The following DPYSL2 variants were observed in gnomAD, a reference collection of about 807,000 sequenced individuals.
The protein encoded by DPYSL2 is dihydropyrimidinase-related protein 2.
In DPYSL2, 13 loss-of-function variants were observed where a neutral mutation model predicts 69.9. The ratio of observed to expected loss-of-function variants is 0.19; its 90% confidence interval spans 0.12 to 0.30. DPYSL2 has a LOEUF of 0.30. Ranked by LOEUF, DPYSL2 falls within the 10% of genes least tolerant of loss-of-function variation. The probability of loss-of-function intolerance (pLI) is 1.00; values close to 1 mark genes in which losing one functional copy is unlikely to be tolerated. For synonymous variants in DPYSL2, 326 were observed against 359.1 expected, an observed-to-expected ratio of 0.91 and a Z score of 1.04; for missense variants, 587 against 918.9, an observed-to-expected ratio of 0.64 and a Z score of 4.67.
intron 1 of DPYSL2, among the ~76,000 whole-genome samples, chr8:26,526,770 G>A (rs955910841): frequency 6.6e-6 from 1 of 152,236 alleles, no homozygotes; most frequent in Non-Finnish European, 1.5e-5. Context: ...TTGGGTTTGT[G>A]CCTTGTTGCA....
chr8:26,655,792 T>G lies in DPYSL2; in HGVS notation c.*86T>G. 1.6e-6 allele frequency: 2 copies of G among 1,274,398 alleles called. No individual in the cohort carries two copies. The highest frequency in any genetic ancestry group is 3.5e-5 in the South Asian group (2 of 57,520). The allele number at this position is 1,274,398 out of a possible 1,614,324, so 78.9% of individuals were successfully genotyped here. ...ACTTCTTTCTTCCTTCCTTTTTTTTTTTTTGTTTTTTTTTTTAAGAGCCTG... is the reference window on the plus strand; with the variant it reads ...ACTTCTTTCTTCCTTCCTTTTTTTTGTTTTGTTTTTTTTTTTAAGAGCCTG... On this transcript the variant is annotated 3_prime_UTR_variant, in exon 14 of 14. Coordinates refer to ENST00000521913, the MANE Select transcript of DPYSL2 (RefSeq NM_001197293.3).
intron 3 of DPYSL2, among the ~76,000 whole-genome samples, chr8:26,615,206 G>A (rs994129049): frequency 5.3e-5 from 8 of 152,212 alleles, no homozygotes; most frequent in Admixed American, 1.3e-4. Context: ...TCAGGGGGCC[G>A]TTGCGAGGAT....
chr8:26,579,924 CTTTTTTTTTTT>C (rs67626321), intron 1 of DPYSL2, among the ~76,000 whole-genome samples: 2 of 115,628 alleles, frequency 1.7e-5, no homozygotes, highest in Non-Finnish European at 3.4e-5. Flanking sequence ...ATCAACAAGA[CTTTTTTTTTTT>C]TTTTTTTTTT....
chr8:26,583,667 A>T, intron 2 of DPYSL2, 132 bp from the exon 3 acceptor site: 1 of 808,080 alleles, frequency 1.2e-6, no homozygotes, highest in Non-Finnish European at 1.9e-6. Flanking sequence ...TTTTATTATG[A>T]ATCGTAACAA....
intron 1 of DPYSL2, among the ~76,000 whole-genome samples, chr8:26,521,634 A>G (rs1289334708): frequency 6.6e-6 from 1 of 152,192 alleles, no homozygotes; most frequent in African/African-American, 2.4e-5. Context: ...ACCCCTCCAA[A>G]AGAAACTTTG....
chr8:26,574,998 A>G (rs1054166762), intron 1 of DPYSL2, among the ~76,000 whole-genome samples: 3 of 152,140 alleles, frequency 2.0e-5, no homozygotes, highest in African/African-American at 7.2e-5. Context: ...CAGTGGCGCT[A>G]TCTTGGCTCA....
rs369804455 is a variant in DPYSL2, at chr8:26,585,389, T to C, written c.628+1406T>C. ...GCATTTTAAATCACAACTCATCCTC[T>C]GGCGTTCTCTCTGTCCTGGCCCTCA... On this transcript the variant is annotated intron_variant, in intron 3 of 13. Transcript: ENST00000521913. The surrounding 1 kb of genome is among the most constrained non-coding windows in gnomAD (Gnocchi z 4.0). Among the ~76,000 whole-genome samples the C allele has an allele frequency of 1.3e-5, 2 of 152,236 alleles. No homozygotes were observed. Among genetic ancestry groups the C allele is most frequent in the East Asian group, 3.9e-4 (2 of 5,162 alleles).
Position 26,577,895 on chromosome 8 carries a change from A to T in DPYSL2, c.355-4074A>T, listed in dbSNP as rs1801392359. 1.5e-5 allele frequency: 17 copies of T among 1,141,178 alleles called. No homozygotes were observed. In the South Asian group the frequency reaches 2.9e-4, roughly 19 times the overall value. 70.7% of individuals were successfully genotyped at this position (1,141,178 alleles called of 1,614,324 possible). ...ATGGCTTTTGCCTGAGAGGAAAGGGAGTGGCTGGCGGCGCATGCGCCACGG... is the reference window on the plus strand; with the variant it reads ...ATGGCTTTTGCCTGAGAGGAAAGGGTGTGGCTGGCGGCGCATGCGCCACGG... On this transcript the variant is annotated intron_variant, in intron 1 of 13. Transcript: ENST00000521913.
At chr8:26,577,233 C>A (rs1455551003) in intron 1 of DPYSL2, 3 of 413,570 alleles carry the variant, frequency 7.3e-6, no homozygotes, top group East Asian at 1.2e-4. Context: ...GCGCCCATTC[C>A]CCGCCCCCAG....
intron 1 of DPYSL2, among the ~76,000 whole-genome samples, chr8:26,543,410 C>T (rs1206182974): frequency 2.0e-5 from 3 of 152,032 alleles, no homozygotes; most frequent in African/African-American, 4.8e-5. Flanking sequence ...GATAGGTTAA[C>T]AATTCTGTAT....
chr8:26,622,167 C>CTCTCTT (rs1563413503), intron 3 of DPYSL2, among the ~76,000 whole-genome samples: 8,065 of 74,046 alleles, frequency 0.11, 1,513 homozygotes, highest in East Asian at 0.21. Context: ...CCCTCTCTCT[C>CTCTCTT]TCTTTCTTTC....
At chr8:26,613,479 G>T (rs1802281224) in intron 3 of DPYSL2, among the ~76,000 whole-genome samples, 1 of 152,212 alleles carries the variant, frequency 6.6e-6, no homozygotes, top group Admixed American at 6.5e-5. Context: ...CCTGCAGTGG[G>T]TGCCCATCCT....
In DPYSL2 at chr8:26,548,629, T is replaced by A. The variant is rs191288100; in HGVS notation, c.355-33340T>A. 2.3e-3 allele frequency among the ~76,000 whole-genome samples: 350 copies of A among 152,036 alleles called. 1 individual carries two copies. The highest frequency in any genetic ancestry group is 8.2e-3 in the African/African-American group (339 of 41,472). Reference sequence around the variant, plus strand: ...CATGTGTGGTGGCTTATGTCTGTAATCCCAGCACTTTGGGAGTCTGAGGCA... The same window carrying A: ...CATGTGTGGTGGCTTATGTCTGTAAACCCAGCACTTTGGGAGTCTGAGGCA... On this transcript the variant is annotated intron_variant, in intron 1 of 13. Transcript: ENST00000521913.
At position 26,657,243 on chromosome 8, in the gene DPYSL2, G is replaced by A. The variant is rs1213472118; in HGVS notation, c.*1537G>A. ...GGAAACCTTATAAATTAAACACATG[G>A]CCCCCTTAGAGACCACAGGTGATGT... On this transcript the variant is annotated 3_prime_UTR_variant, in exon 14 of 14. Coordinates refer to ENST00000521913, the MANE Select transcript of DPYSL2 (RefSeq NM_001197293.3). The A allele has an allele frequency of 6.6e-6, 1 of 152,578 alleles. No homozygotes were observed. Among genetic ancestry groups the A allele is most frequent in the Non-Finnish European group, 1.5e-5 (1 of 68,036 alleles). The allele number at this position is 152,578 out of a possible 1,614,324, so 9.5% of individuals were successfully genotyped here. A position where few individuals can be genotyped will look rare whatever the true frequency, so the allele number is the denominator to read the frequency against.
Position 26,514,731 on chromosome 8 carries a change from C to T in DPYSL2, c.354+52C>T. 7.5e-7 allele frequency: 1 copy of T among 1,336,348 alleles called. No individual in the cohort carries two copies. The highest frequency in any genetic ancestry group is 1.7e-5 in the South Asian group (1 of 59,884). 82.8% of individuals were successfully genotyped at this position (1,336,348 alleles called of 1,614,324 possible). On this transcript the variant is annotated intron_variant, in intron 1 of 13. Transcript: ENST00000521913. This position sits in a 1 kb window ranked among gnomAD's most constrained non-coding sequence, Gnocchi z 8.4. ...CGGAGGACGGGGCGCGGGGATCGCC[C>T]CTCCCTCGCCCCTGAGCCCGGCGCG...
intron 7 of DPYSL2, among the ~76,000 whole-genome samples, chr8:26,629,370 A>G (rs1802691018): frequency 6.6e-6 from 1 of 150,546 alleles, no homozygotes; most frequent in Non-Finnish European, 1.5e-5. Context: ...AGACATACAC[A>G]GACACATACA....
chr8:26,537,475 T>C (rs1282640336), intron 1 of DPYSL2, among the ~76,000 whole-genome samples: 1 of 152,228 alleles, frequency 6.6e-6, no homozygotes, highest in African/African-American at 2.4e-5. Context: ...TTTAAAGCTT[T>C]TTAAAAACTA....
Position 26,643,609 on chromosome 8 carries a change from A to T in DPYSL2, c.1283+14A>T, listed in dbSNP as rs1280931708. On this transcript the variant is annotated intron_variant, in intron 9 of 13. Transcript: ENST00000521913. The surrounding 1 kb of genome is among the most constrained non-coding windows in gnomAD (Gnocchi z 6.5). ...CTTGCTGTCCTGGTGAGTCCTGGCG[A>T]CTTGTTCACACTTCACATTCTGTCT... 2.5e-6 allele frequency: 4 copies of T among 1,614,098 alleles called. No individual in the cohort carries two copies. In the South Asian group the frequency reaches 4.4e-5, roughly 18 times the overall value.
Position 26,572,762 on chromosome 8 carries a change from G to T in DPYSL2, c.355-9207G>T, listed in dbSNP as rs76373121. On this transcript the variant is annotated intron_variant, in intron 1 of 13. Coordinates refer to ENST00000521913, the MANE Select transcript of DPYSL2 (RefSeq NM_001197293.3). ...TGATCCGCCCACTTCAGCCTCCCAG[G>T]TGTTGGGATTACAGGCATGAGCTAC... Among the ~76,000 whole-genome samples the T allele has an allele frequency of 5.2e-3, 790 of 152,222 alleles. 4 individuals are homozygous for T. The highest frequency in any genetic ancestry group is 0.018 in the African/African-American group (761 of 41,536).
Sources: gnomAD v4.1 joint callset for allele counts (sites outside exome capture counted in the v4.1 genomes callset) on GRCh38, gnomAD v4.1.1 for gene constraint, Gnocchi (gnomAD v3.1) non-coding constraint, MANE v1.5 for transcripts, NCBI Gene and HGNC (gene_info 2026-07-23, HGNC 2026-07-21) for gene names.